CEP128: variants seen among roughly 807,000 people sequenced by gnomAD.
The protein encoded by CEP128 is centrosomal protein 128kDa.
Under a neutral mutation model 156.7 loss-of-function variants are expected in CEP128, and 132 were observed. The observed-to-expected ratio is 0.84, with a 90% CI of 0.73 to 0.97. The LOEUF is 0.97. Among genes scored for constraint, CEP128 ranks in the 50% least tolerant of loss-of-function variants. CEP128 has a pLI of 0.00. For missense variants in CEP128, 1,252 were observed against 1,281.9 expected, an observed-to-expected ratio of 0.98 and a Z score of 0.36; for synonymous variants, 469 against 448.9, an observed-to-expected ratio of 1.04 and a Z score of -0.57.
At chr14:80,801,935 A>AAAAAAAG (rs1487677789) in intron 13 of CEP128, among the ~76,000 whole-genome samples, 1 of 150,358 alleles carries the variant, frequency 6.7e-6, no homozygotes, top group East Asian at 1.9e-4. Flanking sequence ...AAAAAAAAAA[A>AAAAAAAG]AAGCTCAACA....
chr14:80,804,619 G>A (rs986264408), intron 13 of CEP128, among the ~76,000 whole-genome samples: 6 of 152,062 alleles, frequency 3.9e-5, no homozygotes, highest in Non-Finnish European at 7.4e-5. Context: ...ATACCACAGT[G>A]AGAAAAATAG....
chr14:80,751,960 G>C (rs952951858), intron 18 of CEP128, among the ~76,000 whole-genome samples: 4 of 152,002 alleles, frequency 2.6e-5, no homozygotes, highest in Non-Finnish European at 5.9e-5. Flanking sequence ...TTGCAGTTGA[G>C]TAGTTGATAG....
intron 19 of CEP128, among the ~76,000 whole-genome samples, chr14:80,586,573 C>T (rs1891829870): frequency 1.3e-5 from 2 of 152,082 alleles, no homozygotes; most frequent in Non-Finnish European, 2.9e-5. Flanking sequence ...TTTTCTAATG[C>T]CTCTCCAAAC....
chr14:80,772,478 C>A (rs544655825), intron 16 of CEP128, among the ~76,000 whole-genome samples: 1 of 152,182 alleles, frequency 6.6e-6, no homozygotes, highest in Non-Finnish European at 1.5e-5. Flanking sequence ...CTCAATAAAA[C>A]CGTGCATTCA....
At chr14:80,945,999 C>T (rs990776035), upstream of CEP128, among the ~76,000 whole-genome samples, 1 of 152,152 alleles carries the variant, frequency 6.6e-6, no homozygotes, top group African/African-American at 2.4e-5. Context: ...GATTCAAGTC[C>T]GTTATAATGC....
rs542916323 is a variant in CEP128 at position 80,859,291 on chromosome 14, G to A, written c.762+3466C>T. ...AAATCATCATTCTCAGTAAACTATC[G>A]CAAGAACAAAAAACCAAACACCACA... On this transcript the variant is annotated intron_variant, in intron 9 of 24. Coordinates refer to ENST00000555265, the MANE Select transcript of CEP128 (RefSeq NM_152446.5). 1.1e-3 allele frequency among the ~76,000 whole-genome samples: 167 copies of A among 148,138 alleles called. 4 individuals are homozygous for A. In the South Asian group the frequency reaches 0.034, roughly 30 times the overall value.
intron 24 of CEP128, among the ~76,000 whole-genome samples, chr14:80,504,162 A>G (rs553421572): frequency 3.2e-4 from 48 of 152,338 alleles, no homozygotes; most frequent in African/African-American, 1.2e-3. Context: ...TAACAAAAAC[A>G]ACTTATATGT....
chr14:80,739,592 C>G (rs1003565092), intron 19 of CEP128, among the ~76,000 whole-genome samples: 1 of 152,088 alleles, frequency 6.6e-6, no homozygotes, highest in African/African-American at 2.4e-5. Flanking sequence ...TATAGTCATT[C>G]TACTCTTAAA....
In CEP128 at chr14:80,953,207, A is replaced by C. The variant is rs147617211; in HGVS notation, c.-172+4971T>G. Among the ~76,000 whole-genome samples, 965 of 152,370 alleles carry C rather than the reference A, an allele frequency of 6.3e-3. 7 individuals carry two copies. Among genetic ancestry groups the C allele is most frequent in the Non-Finnish European group, 9.0e-3 (614 of 68,032 alleles). On this transcript the variant is annotated intron_variant, in intron 2 of 7. Coordinates refer to the CEP128 transcript ENST00000555529. ...TGACAAAGAAGTTACAGAAAAGAAAATAACAGACTACTATCCCTTGTGAAC... is the reference window on the plus strand; with the variant it reads ...TGACAAAGAAGTTACAGAAAAGAAACTAACAGACTACTATCCCTTGTGAAC...
intron 8 of CEP128, among the ~76,000 whole-genome samples, chr14:80,863,825 G>GA (rs35636272): frequency 3.7e-4 from 56 of 151,246 alleles, no homozygotes; most frequent in African/African-American, 7.5e-4. Flanking sequence ...TAAATGTATG[G>GA]AAAAAAAAAG....
intron 8 of CEP128, 86 bp from the exon 9 acceptor site, chr14:80,862,959 C>A: frequency 9.0e-6 from 8 of 890,206 alleles, no homozygotes; most frequent in East Asian, 2.5e-5. Flanking sequence ...ATAGCAGATA[C>A]ACTACTGCTT....
At chr14:80,617,217 A>ACCTTTTTTTTTTTTTTTTTTTTTTTTTTT in intron 19 of CEP128, among the ~76,000 whole-genome samples, 1 of 43,140 alleles carries the variant, frequency 2.3e-5, no homozygotes, top group Non-Finnish European at 5.0e-5. Flanking sequence ...TGTGAATATC[A>ACCTTTTTTTTTTTTTTTTTTTTTTTTTTT]TCTTTTTTTT....
At position 80,819,332 on chromosome 14, in the gene CEP128, C is replaced by T. The variant is rs183437871; in HGVS notation, c.1209+11811G>A. Among the ~76,000 whole-genome samples the T allele has an allele frequency of 1.9e-3, 280 of 150,064 alleles. 2 individuals carry two copies. The highest frequency in any genetic ancestry group is 6.3e-3 in the African/African-American group (258 of 40,664). On this transcript the variant is annotated intron_variant, in intron 13 of 24. Coordinates refer to ENST00000555265, the MANE Select transcript of CEP128 (RefSeq NM_152446.5). ...CGCAATCTCGGCTCACTGCAACCTCCGTCTCCCGGGTTCATGCCATTCTCC... is the reference window on the plus strand; with the variant it reads ...CGCAATCTCGGCTCACTGCAACCTCTGTCTCCCGGGTTCATGCCATTCTCC...
chr14:80,687,984 C>G (rs759375820), intron 19 of CEP128, among the ~76,000 whole-genome samples: 147 of 152,190 alleles, frequency 9.7e-4, no homozygotes, highest in Non-Finnish European at 1.8e-3. Context: ...CATTTATTTA[C>G]TTCTTCTCCT....
chr14:80,723,128 C>G (rs1354693122), intron 19 of CEP128, among the ~76,000 whole-genome samples: 1 of 152,078 alleles, frequency 6.6e-6, no homozygotes, highest in African/African-American at 2.4e-5. Flanking sequence ...ACCCGGCCCT[C>G]TTTATCTTTT....
intron 19 of CEP128, among the ~76,000 whole-genome samples, chr14:80,718,995 T>A (rs545150845): frequency 6.6e-6 from 1 of 152,332 alleles, no homozygotes; most frequent in African/African-American, 2.4e-5. Context: ...GGACTTGTTT[T>A]CTGGACTTGT....
chr14:80,612,993 G>A (rs142593351), intron 19 of CEP128, among the ~76,000 whole-genome samples: 11,656 of 144,202 alleles, frequency 0.081, 546 homozygotes, highest in African/African-American at 0.12. Flanking sequence ...GGTGCACGCC[G>A]CCACACCCGG....
intron 19 of CEP128, among the ~76,000 whole-genome samples, chr14:80,700,977 G>T (rs144750379): frequency 6.6e-6 from 1 of 152,222 alleles, no homozygotes; most frequent in East Asian, 1.9e-4. Flanking sequence ...CAGGGAAGAG[G>T]GAGCAGAACA....
At position 80,789,474 on chromosome 14, in the gene CEP128, A is replaced by C. The variant is rs1010591210; in HGVS notation, c.1560+3286T>G. Among the ~76,000 whole-genome samples the C allele has an allele frequency of 2.6e-5, 4 of 152,200 alleles. No individual in the cohort carries two copies. The South Asian group carries it at 8.3e-4, about 32-fold the overall frequency. ...ACATTAGTGAATTATAAGGATACAG[A>C]CTTCAGTAGGTTGCAGACTTGAACT... is the stretch of plus-strand genomic sequence containing the variant. On this transcript the variant is annotated intron_variant, in intron 14 of 24. Coordinates refer to ENST00000555265, the MANE Select transcript of CEP128 (RefSeq NM_152446.5).
Sources: allele counts gnomAD v4.1 joint callset (sites outside exome capture counted in the v4.1 genomes callset), GRCh38; gene constraint gnomAD v4.1.1; transcripts MANE v1.5; gene names NCBI Gene and HGNC (gene_info 2026-07-23, HGNC 2026-07-21).